EDIL3: variants seen among roughly 807,000 people sequenced by gnomAD.
EDIL3 encodes the protein EGF like and discoidin domains 3.
In EDIL3, 37 loss-of-function variants were observed where a neutral mutation model predicts 67.4. The ratio of observed to expected loss-of-function variants is 0.55; its 90% CI spans 0.42 to 0.72. The LOEUF is 0.72. Ranked by LOEUF, EDIL3 falls within the 30% of genes least tolerant of loss-of-function variation. The pLI, the probability that EDIL3 is intolerant of heterozygous loss-of-function variation, is 0.00. For missense variants in EDIL3, 527 were observed against 586.3 expected (o/e 0.90, Z 1.04); for synonymous variants, 195 against 196.3 (o/e 0.99, Z 0.05).
chr5:84,061,284 A>C (rs879402077), intron 8 of EDIL3, among the ~76,000 whole-genome samples: 6 of 152,146 alleles, frequency 3.9e-5, no homozygotes, highest in Non-Finnish European at 7.4e-5. Flanking sequence ...TAATACGGTA[A>C]AAATTTTGGC....
chr5:84,248,971 GA>G (rs1012512806), intron 2 of EDIL3, among the ~76,000 whole-genome samples: 55 of 150,866 alleles, frequency 3.6e-4, no homozygotes, highest in African/African-American at 1.3e-3. Context: ...TGCACCAACA[GA>G]AATACAAAAT....
chr5:84,020,002 C>T (rs373378701), intron 9 of EDIL3, among the ~76,000 whole-genome samples: 2 of 144,878 alleles, frequency 1.4e-5, no homozygotes, highest in African/African-American at 2.5e-5. Flanking sequence ...GTTAGCGGAA[C>T]GTTGCAATTA....
intron 6 of EDIL3, among the ~76,000 whole-genome samples, chr5:84,071,736 G>A (rs961119241): frequency 2.0e-5 from 3 of 152,108 alleles, no homozygotes; most frequent in East Asian, 1.9e-4. Flanking sequence ...TTCTAGAGAC[G>A]CAAGAAATAG....
At chr5:84,150,836 A>G (rs886602458) in intron 4 of EDIL3, among the ~76,000 whole-genome samples, 3 of 151,968 alleles carry the variant, frequency 2.0e-5, no homozygotes, top group Non-Finnish European at 2.9e-5. Flanking sequence ...TGTTCATAGC[A>G]GCTTTATTAC....
At chr5:84,205,439 A>G (rs1242469394) in intron 3 of EDIL3, among the ~76,000 whole-genome samples, 4 of 152,230 alleles carry the variant, frequency 2.6e-5, no homozygotes, top group African/African-American at 4.8e-5. Flanking sequence ...TCTCCGTGAC[A>G]GAAGTAATAT....
rs144839406 is a variant in EDIL3 at position 84,321,774 on chromosome 5, T to C, written c.67+62534A>G. ...CAGCCATTTTGTTGCACTTTCCCCA[T>C]TGTTGCCAATAAATTCCCCTTGAGA... On this transcript the variant is annotated intron_variant, in intron 1 of 10. Coordinates refer to ENST00000296591, the MANE Select transcript of EDIL3 (RefSeq NM_005711.5). Among the ~76,000 whole-genome samples the C allele has an allele frequency of 2.1e-4, 32 of 152,278 alleles. No homozygotes were observed. The East Asian group carries it at 5.6e-3, about 27-fold the overall frequency.
At chr5:84,381,946 TAA>T (rs1748084995) in intron 1 of EDIL3, among the ~76,000 whole-genome samples, 1 of 152,214 alleles carries the variant, frequency 6.6e-6, no homozygotes, top group South Asian at 2.1e-4. Flanking sequence ...CACCAATTTC[TAA>T]GAGACATGAG....
At chr5:84,267,190 T>C (rs1229263596) in intron 1 of EDIL3, among the ~76,000 whole-genome samples, 1 of 152,192 alleles carries the variant, frequency 6.6e-6, no homozygotes, top group Non-Finnish European at 1.5e-5. Context: ...CTTCACCTTC[T>C]TCAAGGTCTC....
intron 1 of EDIL3, among the ~76,000 whole-genome samples, chr5:84,362,288 AT>A (rs970603479): frequency 6.6e-6 from 1 of 152,078 alleles, no homozygotes; most frequent in African/African-American, 2.4e-5. Flanking sequence ...ATTTGCTTTA[AT>A]TTTCTTTAGT....
At chr5:84,118,174 A>C (rs910620534) in intron 5 of EDIL3, among the ~76,000 whole-genome samples, 4 of 152,106 alleles carry the variant, frequency 2.6e-5, no homozygotes, top group Admixed American at 2.6e-4. Flanking sequence ...TTAATTACTA[A>C]AATCCTCTTA....
chr5:84,247,346 T>C lies in EDIL3; in HGVS notation c.196+6738A>G, dbSNP rs80013831. The stretch of plus-strand genomic sequence containing the variant: ...CCCTACACCACCCAAGAGAGCTACT[T>C]AAGGCTCGTTAACTTTCTGATATTT... On this transcript the variant is annotated intron_variant, in intron 2 of 10. Transcript: ENST00000296591. Among the ~76,000 whole-genome samples the C allele has an allele frequency of 2.5e-3, 378 of 152,232 alleles. 2 individuals are homozygous for C. Among genetic ancestry groups the C allele is most frequent in the African/African-American group, 8.7e-3 (361 of 41,568 alleles).
chr5:84,205,039 T>C (rs1303545069), intron 3 of EDIL3, among the ~76,000 whole-genome samples: 1 of 151,296 alleles, frequency 6.6e-6, no homozygotes, highest in African/African-American at 2.4e-5. Context: ...CAGCCTCCCA[T>C]GTAGCTGGGA....
At chr5:84,228,778 A>T (rs1744501608) in intron 3 of EDIL3, among the ~76,000 whole-genome samples, 1 of 152,062 alleles carries the variant, frequency 6.6e-6, no homozygotes, top group Non-Finnish European at 1.5e-5. Context: ...ATCCTTGTCC[A>T]GTTTTGCACA....
At chr5:84,205,058 A>C (rs1252688332) in intron 3 of EDIL3, among the ~76,000 whole-genome samples, 5 of 148,818 alleles carry the variant, frequency 3.4e-5, no homozygotes, top group African/African-American at 5.0e-5. Context: ...GACTACAGGC[A>C]CATGCCACCA....
intron 9 of EDIL3, among the ~76,000 whole-genome samples, chr5:84,030,051 A>G (rs976052462): frequency 6.6e-6 from 1 of 150,772 alleles, no homozygotes; most frequent in Non-Finnish European, 1.5e-5. Context: ...TATATCTCTA[A>G]AGGTCATGCT....
At chr5:84,308,605 T>A (rs1178677441) in intron 1 of EDIL3, among the ~76,000 whole-genome samples, 1 of 152,156 alleles carries the variant, frequency 6.6e-6, no homozygotes, top group African/African-American at 2.4e-5. Flanking sequence ...CAAAATTAAA[T>A]TTAGTACTCT....
At chr5:84,012,012 T>C (rs1745524774) in intron 9 of EDIL3, among the ~76,000 whole-genome samples, 1 of 152,182 alleles carries the variant, frequency 6.6e-6, no homozygotes, top group African/African-American at 2.4e-5. Flanking sequence ...ATTTGGTCTG[T>C]TTCTGTCTTC....
At chr5:84,362,630 T>G (rs1747632599) in intron 1 of EDIL3, among the ~76,000 whole-genome samples, 1 of 152,184 alleles carries the variant, frequency 6.6e-6, no homozygotes. Context: ...CAAGGCTTTG[T>G]GCATAGTAAT....
At chr5:84,181,239 G>A (rs765449092) in intron 3 of EDIL3, 1 of 152,212 alleles carries the variant, frequency 6.6e-6, no homozygotes, top group Non-Finnish European at 1.5e-5. Context: ...GCTAATGAAA[G>A]TGTGGTGCTG....
Sources: gnomAD v4.1 joint callset for allele counts (sites outside exome capture counted in the v4.1 genomes callset) on GRCh38, gnomAD v4.1.1 for gene constraint, MANE v1.5 for transcripts, NCBI Gene and HGNC (gene_info 2026-07-23, HGNC 2026-07-21) for gene names.